COL8A1: variants seen among roughly 807,000 people sequenced by gnomAD.
COL8A1 encodes collagen alpha-1(VIII) chain.
Under a neutral mutation model 42.7 loss-of-function variants are expected in COL8A1, and 21 were observed. The ratio of observed to expected loss-of-function variants is 0.49; its 90% CI spans 0.35 to 0.71. The LOEUF (loss-of-function observed/expected upper bound fraction) is 0.71. Ranked by LOEUF, COL8A1 falls within the 30% of genes least tolerant of loss-of-function variation. COL8A1 has a pLI of 0.01. For synonymous variants in COL8A1, 367 were observed against 369.1 expected (o/e 0.99, Z 0.06); for missense variants, 788 against 962.4 (o/e 0.82, Z 2.40).
intron 1 of COL8A1, among the ~76,000 whole-genome samples, chr3:99,700,386 A>G (rs939652434): frequency 6.6e-6 from 1 of 151,850 alleles, no homozygotes; most frequent in African/African-American, 2.4e-5. Flanking sequence ...GCACAGACAG[A>G]CAAACACTCC....
intron 1 of COL8A1, among the ~76,000 whole-genome samples, chr3:99,688,118 A>C (rs1202100979): frequency 6.6e-6 from 1 of 152,208 alleles, no homozygotes; most frequent in African/African-American, 2.4e-5. Context: ...AAAATATGAA[A>C]TCTATTTATG....
At chr3:99,740,775 T>C (rs1421184885) in intron 1 of COL8A1, among the ~76,000 whole-genome samples, 4 of 152,208 alleles carry the variant, frequency 2.6e-5, no homozygotes, top group Admixed American at 6.5e-5. Flanking sequence ...TACCAAGATT[T>C]TTCTGTTCTG....
chr3:99,693,186 C>CTAAAAAAACAAAA (rs1939272659), intron 1 of COL8A1, among the ~76,000 whole-genome samples: 1 of 151,710 alleles, frequency 6.6e-6, no homozygotes, highest in Non-Finnish European at 1.5e-5. Flanking sequence ...GAGACTCTGT[C>CTAAAAAAACAAAA]TAAAAAAACA....
Position 99,790,799 on chromosome 3 carries a change from A to G in COL8A1, c.117A>G (p.Gln39=), listed in dbSNP as rs779520591. The change falls in exon 3 of 4, where the codon CAA becomes CAG. Residue 39 remains glutamine, a synonymous_variant. Transcript: ENST00000652472. Reference sequence around the variant, plus strand: ...ATGGGATCAAGCCGCTGCCACCTCAAATTCCTCCTCAGATGCCACCACAAA... The same window carrying G: ...ATGGGATCAAGCCGCTGCCACCTCAGATTCCTCCTCAGATGCCACCACAAA... ...AYYGIKPLPP[Q]IPPQMPPQIP... 1 of 1,614,138 alleles carries G rather than the reference A, an allele frequency of 6.2e-7. No homozygotes were observed. The highest frequency in any genetic ancestry group is 8.5e-7 in the Non-Finnish European group (1 of 1,180,034).
intron 1 of COL8A1, among the ~76,000 whole-genome samples, chr3:99,694,408 G>A (rs1244758009): frequency 6.6e-6 from 1 of 151,816 alleles, no homozygotes; most frequent in Non-Finnish European, 1.5e-5. Flanking sequence ...CCTGGGAGGC[G>A]GAGGTTGCAG....
intron 2 of COL8A1, among the ~76,000 whole-genome samples, chr3:99,752,261 A>G (rs992133414): frequency 1.3e-5 from 2 of 152,140 alleles, no homozygotes; most frequent in Non-Finnish European, 2.9e-5. Context: ...ATAAGAGTAG[A>G]CTCTTGCAAA....
intron 1 of COL8A1, among the ~76,000 whole-genome samples, chr3:99,741,773 G>A (rs1356939243): frequency 2.6e-5 from 4 of 152,120 alleles, no homozygotes; most frequent in Admixed American, 1.3e-4. Flanking sequence ...TCAGCCTCAC[G>A]GCCTTTTGTG....
intron 2 of COL8A1, among the ~76,000 whole-genome samples, chr3:99,777,935 T>C (rs1456758620): frequency 6.6e-6 from 1 of 152,162 alleles, no homozygotes; most frequent in Non-Finnish European, 1.5e-5. Flanking sequence ...AAAATAAGTC[T>C]GGGGAGACAT....
intron 2 of COL8A1, among the ~76,000 whole-genome samples, chr3:99,768,494 G>C (rs1200389609): frequency 6.6e-6 from 1 of 152,228 alleles, no homozygotes; most frequent in African/African-American, 2.4e-5. Context: ...AGAGCATGGG[G>C]TAAGTGATTT....
At chr3:99,758,143 A>T (rs1482079288) in intron 2 of COL8A1, among the ~76,000 whole-genome samples, 1 of 152,212 alleles carries the variant, frequency 6.6e-6, no homozygotes, top group African/African-American at 2.4e-5. Context: ...AATAGGTATG[A>T]GCAGGAGCCC....
intron 1 of COL8A1, among the ~76,000 whole-genome samples, chr3:99,646,801 G>T (rs140565346): frequency 6.6e-6 from 1 of 152,144 alleles, no homozygotes. Context: ...TTAGAAAATG[G>T]CTTAAAGAGT....
intron 1 of COL8A1, among the ~76,000 whole-genome samples, chr3:99,663,474 G>A (rs570982447): frequency 1.3e-5 from 2 of 152,168 alleles, no homozygotes; most frequent in Middle Eastern, 6.8e-3. Context: ...AGTTGTTTGG[G>A]GATTTTTTTT....
chr3:99,724,257 T>G (rs1940239022), intron 1 of COL8A1, among the ~76,000 whole-genome samples: 1 of 152,078 alleles, frequency 6.6e-6, no homozygotes, highest in Non-Finnish European at 1.5e-5. Context: ...TAACTGTCTG[T>G]CAGGAGTCAT....
chr3:99,701,163 C>A (rs1025323281), intron 1 of COL8A1, among the ~76,000 whole-genome samples: 1 of 152,170 alleles, frequency 6.6e-6, no homozygotes, highest in Admixed American at 6.5e-5. Flanking sequence ...AACTGGGAAA[C>A]ACACTCATTT....
At chr3:99,682,245 T>C (rs926809697) in intron 1 of COL8A1, among the ~76,000 whole-genome samples, 3 of 151,958 alleles carry the variant, frequency 2.0e-5, no homozygotes, top group Non-Finnish European at 2.9e-5. Context: ...TGAAACCTTG[T>C]CTCTACTAAA....
At chr3:99,686,103 C>G (rs1338911448) in intron 1 of COL8A1, among the ~76,000 whole-genome samples, 1 of 152,170 alleles carries the variant, frequency 6.6e-6, no homozygotes, top group East Asian at 1.9e-4. Flanking sequence ...CAGAACTAAT[C>G]ACATAGCCCT....
intron 1 of COL8A1, among the ~76,000 whole-genome samples, chr3:99,716,306 T>C (rs1038459579): frequency 6.6e-6 from 1 of 152,064 alleles, no homozygotes; most frequent in Non-Finnish European, 1.5e-5. Flanking sequence ...CACTTTTTTA[T>C]CTGAATTCTT....
intron 1 of COL8A1, among the ~76,000 whole-genome samples, chr3:99,705,052 G>A (rs1939641123): frequency 6.6e-6 from 1 of 152,138 alleles, no homozygotes; most frequent in South Asian, 2.1e-4. Context: ...AATTTGACAG[G>A]TGTGACTCCG....
At chr3:99,655,004 C>CTGT (rs989703975) in intron 1 of COL8A1, among the ~76,000 whole-genome samples, 14 of 152,216 alleles carry the variant, frequency 9.2e-5, no homozygotes, top group Non-Finnish European at 1.9e-4. Context: ...GTGCCAAGCC[C>CTGT]TGTGCTAGAT....
Sources: allele counts gnomAD v4.1 joint callset (sites outside exome capture counted in the v4.1 genomes callset), GRCh38; gene constraint gnomAD v4.1.1; transcripts MANE v1.5; gene names NCBI Gene and HGNC (gene_info 2026-07-23, HGNC 2026-07-21).